The following NELL2 variants were observed in gnomAD, a reference collection of about 807,000 sequenced individuals.
The protein encoded by NELL2 is protein kinase C-binding protein NELL2.
Under a neutral mutation model 109.6 loss-of-function variants are expected in NELL2, and 41 were observed. That is an observed-to-expected ratio of 0.37 (90% CI 0.29 to 0.49). The LOEUF is 0.49. Ranked by LOEUF, NELL2 falls within the 20% of genes least tolerant of loss-of-function variation. The pLI, the probability that NELL2 is intolerant of heterozygous loss-of-function variation, is 0.98. For missense variants in NELL2, 900 were observed against 1,008.3 expected (o/e 0.89, Z 1.45); for synonymous variants, 355 against 344.7 (o/e 1.03, Z -0.33).
chr12:44,531,949 T>C (rs1015756765), intron 16 of NELL2, among the ~76,000 whole-genome samples: 14 of 152,128 alleles, frequency 9.2e-5, no homozygotes, highest in Non-Finnish European at 1.8e-4. Flanking sequence ...GCCCCTTAAA[T>C]AGAGGCTACA....
intron 15 of NELL2, among the ~76,000 whole-genome samples, chr12:44,604,096 G>A (rs956801027): frequency 1.5e-4 from 23 of 152,084 alleles, no homozygotes; most frequent in African/African-American, 5.6e-4. Context: ...GTTGAAGGGG[G>A]CATAACAAAA....
chr12:44,794,142 T>C (rs967012441), intron 3 of NELL2, among the ~76,000 whole-genome samples: 8 of 152,126 alleles, frequency 5.3e-5, no homozygotes, highest in African/African-American at 1.7e-4. Flanking sequence ...TGGGTTCACA[T>C]TCAGGCACCC....
intron 13 of NELL2, among the ~76,000 whole-genome samples, chr12:44,648,804 C>T (rs1482934657): frequency 1.4e-5 from 2 of 142,190 alleles, no homozygotes; most frequent in African/African-American, 2.6e-5. Flanking sequence ...GGCGTGATCT[C>T]GGCTCACTGC....
At chr12:44,546,421 T>C (rs1427606475) in intron 15 of NELL2, among the ~76,000 whole-genome samples, 1 of 152,142 alleles carries the variant, frequency 6.6e-6, no homozygotes, top group Non-Finnish European at 1.5e-5. Context: ...AAACACCCTT[T>C]AGCTTGATAC....
At chr12:44,807,252 A>C (rs1041481364) in intron 3 of NELL2, among the ~76,000 whole-genome samples, 3 of 151,924 alleles carry the variant, frequency 2.0e-5, no homozygotes, top group Admixed American at 2.0e-4. Context: ...GGCATCATTT[A>C]CAAGAAAAAA....
chr12:44,589,335 T>G (rs1344761062), intron 15 of NELL2, among the ~76,000 whole-genome samples: 2 of 151,812 alleles, frequency 1.3e-5, no homozygotes, highest in East Asian at 3.9e-4. Flanking sequence ...AAGACAGTGA[T>G]GAAAAAAATT....
At chr12:44,905,683 T>C (rs1945711686) in intron 1 of NELL2, among the ~76,000 whole-genome samples, 1 of 152,150 alleles carries the variant, frequency 6.6e-6, no homozygotes, top group African/African-American at 2.4e-5. Flanking sequence ...ATATCCTCTC[T>C]GGCCCGTATC....
intron 11 of NELL2, among the ~76,000 whole-genome samples, chr12:44,704,457 G>A (rs144101025): frequency 6.6e-6 from 1 of 152,300 alleles, no homozygotes; most frequent in African/African-American, 2.4e-5. Flanking sequence ...AGATTTCACA[G>A]ATCTCAGAGT....
Position 44,901,412 on chromosome 12 carries a change from C to T in NELL2, c.38+12387G>A, listed in dbSNP as rs1451482871. ...TGAAATTGAGGCAGTAATTAATAGC[C>T]TACAAACAAAAACCAGCCTAGAACC... On this transcript the variant is annotated intron_variant, in intron 1 of 20. Transcript: ENST00000333837. Among the ~76,000 whole-genome samples, 5 of 152,116 alleles carry T rather than the reference C, an allele frequency of 3.3e-5. No individual in the cohort carries two copies. The East Asian group carries it at 7.7e-4, about 24-fold the overall frequency.
At chr12:44,568,291 C>G (rs950495256) in intron 15 of NELL2, among the ~76,000 whole-genome samples, 1 of 152,084 alleles carries the variant, frequency 6.6e-6, no homozygotes, top group Non-Finnish European at 1.5e-5. Flanking sequence ...ATAGTGAGAA[C>G]CAACCTTAAG....
At chr12:44,743,246 A>C (rs1338239853) in intron 9 of NELL2, among the ~76,000 whole-genome samples, 1 of 152,214 alleles carries the variant, frequency 6.6e-6, no homozygotes, top group Non-Finnish European at 1.5e-5. Context: ...AAGACAAGCA[A>C]ATGCTGAGAG....
At chr12:44,675,622 C>T (rs369978110) in intron 12 of NELL2, among the ~76,000 whole-genome samples, 7 of 151,944 alleles carry the variant, frequency 4.6e-5, no homozygotes, top group Admixed American at 1.3e-4. Flanking sequence ...TCATCTAACC[C>T]CAGTAATTTA....
intron 9 of NELL2, among the ~76,000 whole-genome samples, chr12:44,717,081 G>A (rs889616770): frequency 3.3e-5 from 5 of 152,060 alleles, no homozygotes; most frequent in African/African-American, 4.8e-5. Flanking sequence ...AGAAACCAAA[G>A]TGAGTGATTT....
chr12:44,687,852 C>T (rs1948776610), intron 12 of NELL2, among the ~76,000 whole-genome samples: 1 of 152,130 alleles, frequency 6.6e-6, no homozygotes, highest in Non-Finnish European at 1.5e-5. Context: ...TATGTTACTT[C>T]AAATGGATTC....
intron 3 of NELL2, among the ~76,000 whole-genome samples, chr12:44,812,507 GTA>G (rs914613454): frequency 1.3e-5 from 2 of 152,104 alleles, no homozygotes; most frequent in African/African-American, 2.4e-5. Flanking sequence ...GCTCTGATTT[GTA>G]TATGTTTCAT....
chr12:44,525,932 A>G (rs965570017), intron 16 of NELL2, among the ~76,000 whole-genome samples: 2 of 148,722 alleles, frequency 1.3e-5, no homozygotes, highest in Non-Finnish European at 3.0e-5. Flanking sequence ...AGTGGTCTAG[A>G]GTGTTTTTGA....
chr12:44,540,713 C>T (rs1908179), intron 15 of NELL2, among the ~76,000 whole-genome samples: 22,645 of 135,448 alleles, frequency 0.17, 1,846 homozygotes, highest in East Asian at 0.31. Context: ...CCCTGCATTT[C>T]AGTCTTTAGA....
At chr12:44,821,972 G>T (rs955484626) in intron 2 of NELL2, among the ~76,000 whole-genome samples, 1 of 151,312 alleles carries the variant, frequency 6.6e-6, no homozygotes. Context: ...CACCATGTTG[G>T]CCAGGCTGGT....
intron 9 of NELL2, among the ~76,000 whole-genome samples, chr12:44,765,064 T>C (rs1941275147): frequency 6.6e-6 from 1 of 152,130 alleles, no homozygotes; most frequent in Admixed American, 6.5e-5. Flanking sequence ...CTATCCCCAT[T>C]AAAATTTAAG....
Sources: allele counts gnomAD v4.1 joint callset (sites outside exome capture counted in the v4.1 genomes callset), GRCh38; gene constraint gnomAD v4.1.1; transcripts MANE v1.5; gene names NCBI Gene and HGNC (gene_info 2026-07-23, HGNC 2026-07-21).